The following NR1H4 variants were observed in gnomAD, a reference collection of about 807,000 sequenced individuals.
NR1H4 encodes nuclear receptor subfamily 1 group H member 4.
Under a neutral mutation model 58.5 loss-of-function variants are expected in NR1H4, and 23 were observed. The observed-to-expected ratio is 0.39, with a 90% CI of 0.28 to 0.56. NR1H4 has a LOEUF of 0.56. NR1H4 is among the 20% of genes least tolerant of loss of function. NR1H4 has a pLI of 0.58. For missense variants in NR1H4, 487 were observed against 576.9 expected, an observed-to-expected ratio of 0.84 and a Z score of 1.60; for synonymous variants, 214 against 198.0, an observed-to-expected ratio of 1.08 and a Z score of -0.68.
At chr12:100,534,506 T>C (rs1237576771) in intron 5 of NR1H4, among the ~76,000 whole-genome samples, 2 of 152,020 alleles carry the variant, frequency 1.3e-5, no homozygotes, top group Non-Finnish European at 2.9e-5. Context: ...ACAGGGAGAG[T>C]GTCATTCACC....
At chr12:100,483,501 C>A (rs1953424691) in intron 1 of NR1H4, among the ~76,000 whole-genome samples, 1 of 152,152 alleles carries the variant, frequency 6.6e-6, no homozygotes, top group Non-Finnish European at 1.5e-5. Flanking sequence ...GTCATATTGG[C>A]TCGCAGCCAT....
intron 8 of NR1H4, among the ~76,000 whole-genome samples, chr12:100,540,349 C>G (rs940428044): frequency 6.6e-6 from 1 of 152,178 alleles, no homozygotes; most frequent in African/African-American, 2.4e-5. Flanking sequence ...CCTGTCACAT[C>G]AGGTGTGACT....
Position 100,536,884 on chromosome 12 carries a change from A to T in NR1H4, c.832-64A>T, listed in dbSNP as rs558060361. 22 of 991,110 alleles carry T rather than the reference A, an allele frequency of 2.2e-5. 1 individual carries two copies. In the South Asian group the frequency reaches 3.1e-4, roughly 14 times the overall value. The allele number at this position is 991,110 out of a possible 1,614,324, so 61.4% of individuals were successfully genotyped here. A position where few individuals can be genotyped will look rare whatever the true frequency, so the allele number is the denominator to read the frequency against. ...TCTAAACCTAGTTTTTCTTTAGTCT[A>T]ATGGTTTTATATTATCATTTTCTTA... On this transcript the variant is annotated intron_variant, in intron 7 of 10. Transcript: ENST00000392986.
At chr12:100,479,502 G>A (rs149636457) in intron 1 of NR1H4, among the ~76,000 whole-genome samples, 3 of 152,070 alleles carry the variant, frequency 2.0e-5, no homozygotes, top group African/African-American at 7.2e-5. Context: ...AACTATTTAG[G>A]GTTGCTCAGA....
intron 1 of NR1H4, among the ~76,000 whole-genome samples, chr12:100,485,342 A>C (rs1223364521): frequency 6.6e-6 from 1 of 152,162 alleles, no homozygotes; most frequent in African/African-American, 2.4e-5. Flanking sequence ...GGTCCTTGGC[A>C]GGCTGGGTTG....
rs1015678071 is a variant in NR1H4, at chr12:100,545,662, A to C, written c.1078+4844A>C. 6.6e-4 allele frequency among the ~76,000 whole-genome samples: 93 copies of C among 140,766 alleles called. 8 individuals carry two copies. Among genetic ancestry groups the C allele is most frequent in the South Asian group, 2.1e-3 (10 of 4,698 alleles). The allele number at this position is 140,766 out of a possible 152,430, so 92.3% of individuals were successfully genotyped here. On this transcript the variant is annotated intron_variant, in intron 9 of 10. Transcript: ENST00000392986. ...GTCTCAAAAAAAAAAAAAAAAAAAA[A>C]AAAAAAACCAAACGGGGGGCATATA... is the stretch of plus-strand genomic sequence containing the variant.
chr12:100,536,833 G>C, intron 7 of NR1H4, 115 bp from the exon 8 acceptor site: 1 of 714,382 alleles, frequency 1.4e-6, no homozygotes, highest in Non-Finnish European at 2.4e-6. Context: ...CTGAGAAATA[G>C]TAAGATGGGT....
At chr12:100,560,280 G>GC (rs1955436574) in intron 9 of NR1H4, among the ~76,000 whole-genome samples, 1 of 152,186 alleles carries the variant, frequency 6.6e-6, no homozygotes, top group African/African-American at 2.4e-5. Context: ...GGCTGCCCGA[G>GC]CCCGCATTGG....
intron 3 of NR1H4, among the ~76,000 whole-genome samples, chr12:100,508,961 G>A (rs1347781510): frequency 2.0e-5 from 3 of 152,056 alleles, no homozygotes; most frequent in Non-Finnish European, 4.4e-5. Context: ...ATTTGATTCT[G>A]GGTTCTGTTC....
At chr12:100,548,163 T>G (rs1258779030) in intron 9 of NR1H4, among the ~76,000 whole-genome samples, 1 of 149,196 alleles carries the variant, frequency 6.7e-6, no homozygotes, top group South Asian at 2.2e-4. Context: ...GTCAGGAGAT[T>G]GAGACCATCC....
chr12:100,548,153 G>T (rs1955121283), intron 9 of NR1H4, among the ~76,000 whole-genome samples: 1 of 149,828 alleles, frequency 6.7e-6, no homozygotes, highest in South Asian at 2.1e-4. Context: ...GGATCATGAG[G>T]TCAGGAGATT....
chr12:100,532,720 C>G, intron 5 of NR1H4, 110 bp downstream of exon 5: 1 of 971,404 alleles, frequency 1.0e-6, no homozygotes, highest in South Asian at 1.6e-5. Context: ...ACCTACTAAG[C>G]CATCTAAGTT....
At chr12:100,518,006 G>C (rs1246193746) in intron 4 of NR1H4, among the ~76,000 whole-genome samples, 1 of 152,196 alleles carries the variant, frequency 6.6e-6, no homozygotes, top group Non-Finnish European at 1.5e-5. Flanking sequence ...ATTCAATGGC[G>C]AGAGGAAGAA....
At chr12:100,478,931 A>C (rs1953325196) in intron 1 of NR1H4, among the ~76,000 whole-genome samples, 1 of 152,188 alleles carries the variant, frequency 6.6e-6, no homozygotes. Flanking sequence ...TGATAATCTC[A>C]TAGGTGAAAA....
chr12:100,522,286 G>T (rs766268199), intron 4 of NR1H4, among the ~76,000 whole-genome samples: 1 of 152,132 alleles, frequency 6.6e-6, no homozygotes, highest in South Asian at 2.1e-4. Flanking sequence ...ATTACTATGT[G>T]CAGGCACTGT....
intron 1 of NR1H4, among the ~76,000 whole-genome samples, chr12:100,476,061 G>A (rs998653096): frequency 2.0e-5 from 3 of 152,090 alleles, no homozygotes; most frequent in African/African-American, 4.8e-5. Flanking sequence ...TCATTTTACA[G>A]ATGAGAAAAC....
At chr12:100,503,323 C>T (rs1008165847) in intron 3 of NR1H4, 2 of 1,544,096 alleles carry the variant, frequency 1.3e-6, no homozygotes, top group Non-Finnish European at 8.7e-7. Context: ...CAGTAAACCA[C>T]ACAACCTCTG....
At chr12:100,506,317 T>G (rs1706768316) in intron 3 of NR1H4, among the ~76,000 whole-genome samples, 1 of 152,116 alleles carries the variant, frequency 6.6e-6, no homozygotes, top group Admixed American at 6.5e-5. Context: ...GAGATTGAAA[T>G]AGGAAAAGCT....
Position 100,547,714 on chromosome 12 carries a change from T to C in NR1H4, c.1078+6896T>C, listed in dbSNP as rs1388149326. 3.1e-5 allele frequency among the ~76,000 whole-genome samples: 3 copies of C among 95,718 alleles called. No homozygotes were observed. The East Asian group carries it at 6.4e-4, about 20-fold the overall frequency. The allele number at this position is 95,718 out of a possible 152,430, so 62.8% of individuals were successfully genotyped here. On this transcript the variant is annotated intron_variant, in intron 9 of 10. Transcript: ENST00000392986. The stretch of plus-strand genomic sequence containing the variant: ...TTGTCTTATTCCTTTGTTTTATTTA[T>C]TTATTTATTTATTTATTTATTTTGA...
Sources: allele counts gnomAD v4.1 joint callset (sites outside exome capture counted in the v4.1 genomes callset), GRCh38; gene constraint gnomAD v4.1.1; transcripts MANE v1.5; gene names NCBI Gene and HGNC (gene_info 2026-07-23, HGNC 2026-07-21).